The following SEC23A variants were observed in gnomAD, a reference collection of about 807,000 sequenced individuals.
The protein encoded by SEC23A is SEC23 homolog A, COPII component.
In SEC23A, 56 loss-of-function variants were observed where a neutral mutation model predicts 103.7. The observed-to-expected ratio is 0.54, with a 90% confidence interval of 0.44 to 0.67. The LOEUF (loss-of-function observed/expected upper bound fraction) is 0.67. Among genes scored for constraint, SEC23A ranks in the 30% least tolerant of loss-of-function variants. The pLI is 0.00. For synonymous variants in SEC23A, 281 were observed against 293.0 expected (o/e 0.96, Z 0.42); for missense variants, 784 against 936.4 (o/e 0.84, Z 2.12).
chr14:39,036,320 CAAAAAAAAAAAA>C (rs59018206), intron 19 of SEC23A, among the ~76,000 whole-genome samples: 19 of 69,902 alleles, frequency 2.7e-4, no homozygotes, highest in African/African-American at 7.9e-4. Context: ...GACTCCGTCT[CAAAAAAAAAAAA>C]AAAAAAAAAA....
At position 39,097,288 on chromosome 14, in the gene SEC23A, T is replaced by C. The variant is rs550317252; in HGVS notation, c.-21-1149A>G. ...CATGCTCTCAAACTGCAACAGTAGT[T>C]AGTCATGGAAGGAAGCTGAAGAATT... On this transcript the variant is annotated intron_variant, in intron 1 of 19. Transcript: ENST00000307712. Among the ~76,000 whole-genome samples, 6 of 152,272 alleles carry C rather than the reference T, an allele frequency of 3.9e-5. 1 individual carries two copies. In the South Asian group the frequency reaches 1.0e-3, roughly 26 times the overall value.
intron 11 of SEC23A, among the ~76,000 whole-genome samples, chr14:39,064,092 G>A (rs1252973155): frequency 6.6e-6 from 1 of 151,492 alleles, no homozygotes; most frequent in Non-Finnish European, 1.5e-5. Context: ...TGTATAAAGA[G>A]AAACTGATTT....
At chr14:39,048,982 CTAAG>C (rs1164529590) in intron 14 of SEC23A, among the ~76,000 whole-genome samples, 1 of 152,022 alleles carries the variant, frequency 6.6e-6, no homozygotes, top group African/African-American at 2.4e-5. Context: ...TATTTTTTAA[CTAAG>C]TGTCTCTCAC....
At chr14:39,086,440 G>T (rs2139277148) in intron 6 of SEC23A, among the ~76,000 whole-genome samples, 1 of 152,184 alleles carries the variant, frequency 6.6e-6, no homozygotes. Context: ...AGATTGGGAT[G>T]GTGAAACCCC....
intron 13 of SEC23A, among the ~76,000 whole-genome samples, chr14:39,059,150 T>A (rs1356057851): frequency 6.6e-6 from 1 of 151,948 alleles, no homozygotes; most frequent in Non-Finnish European, 1.5e-5. Context: ...AAACCAAAAT[T>A]CCTAGATCAA....
intron 7 of SEC23A, among the ~76,000 whole-genome samples, chr14:39,081,587 T>C (rs59919221): frequency 0.018 from 2,688 of 152,250 alleles, 93 homozygotes; most frequent in African/African-American, 0.062. Flanking sequence ...AGCTAGAAAC[T>C]CTGAAACTAT....
At chr14:39,042,473 T>C (rs565186528) in intron 17 of SEC23A, among the ~76,000 whole-genome samples, 8 of 152,324 alleles carry the variant, frequency 5.3e-5, no homozygotes, top group African/African-American at 1.7e-4. Flanking sequence ...AAGGCTGACT[T>C]TTCCCCCCTT....
At chr14:39,085,950 G>A (rs761654850) in intron 6 of SEC23A, 44 bp from the exon 7 acceptor site, 178 of 1,530,494 alleles carry the variant, frequency 1.2e-4, no homozygotes, top group Non-Finnish European at 1.5e-4. Context: ...AAATGTTTAT[G>A]GGTGAGAGTT....
chr14:39,076,793 G>A (rs1887043099), intron 7 of SEC23A, among the ~76,000 whole-genome samples: 2 of 151,862 alleles, frequency 1.3e-5, no homozygotes, highest in Admixed American at 1.3e-4. Context: ...CGGGCAGGGT[G>A]GCAGACGCCT....
intron 7 of SEC23A, 43 bp from the exon 8 acceptor site, chr14:39,076,136 T>C (rs1295161099): frequency 7.3e-7 from 1 of 1,376,180 alleles, no homozygotes; most frequent in South Asian, 1.3e-5. Context: ...AACATATGAA[T>C]ATACATTTCT....
chr14:39,081,976 A>G (rs1346031870), intron 7 of SEC23A, among the ~76,000 whole-genome samples: 2 of 152,090 alleles, frequency 1.3e-5, no homozygotes, highest in East Asian at 3.9e-4. Flanking sequence ...CTAAAAGGAA[A>G]CAGGGCTCCT....
chr14:39,071,151 G>T (rs1297048002), intron 9 of SEC23A, among the ~76,000 whole-genome samples: 1 of 152,186 alleles, frequency 6.6e-6, no homozygotes, highest in Non-Finnish European at 1.5e-5. Flanking sequence ...GCAAGGAAAA[G>T]AAAAAGCATG....
At chr14:39,041,069 G>T in intron 17 of SEC23A, 182 bp from the exon 18 acceptor site, 1 of 602,608 alleles carries the variant, frequency 1.7e-6, no homozygotes, top group Non-Finnish European at 2.6e-6. Flanking sequence ...TATAAAATTA[G>T]AATATTTCTT....
At chr14:39,073,423 G>A (rs1294971166) in intron 9 of SEC23A, among the ~76,000 whole-genome samples, 3 of 151,962 alleles carry the variant, frequency 2.0e-5, no homozygotes, top group Admixed American at 2.0e-4. Context: ...CTCCTGAGTA[G>A]CTGGGATTAC....
At chr14:39,072,715 G>C (rs146987135) in intron 9 of SEC23A, among the ~76,000 whole-genome samples, 232 of 152,294 alleles carry the variant, frequency 1.5e-3, no homozygotes, top group African/African-American at 5.3e-3. Flanking sequence ...TCAGGAGGCT[G>C]AGGTGAGAGG....
intron 11 of SEC23A, 167 bp downstream of exon 11, chr14:39,064,746 T>TG (rs1427764516): frequency 1.5e-6 from 1 of 647,750 alleles, no homozygotes; most frequent in Non-Finnish European, 2.8e-6. Context: ...TTTTCTTTTT[T>TG]GGGGGGATAA....
chr14:39,077,304 G>A (rs1431215121), intron 7 of SEC23A, among the ~76,000 whole-genome samples: 5 of 147,442 alleles, frequency 3.4e-5, no homozygotes, highest in Non-Finnish European at 3.0e-5. Flanking sequence ...AGCACTTTCA[G>A]AGGCCGAAGC....
In SEC23A at chr14:39,091,490, G is replaced by A; in HGVS notation, c.590C>T (p.Ala197Val). The A allele has an allele frequency of 6.2e-7, 1 of 1,612,958 alleles. No homozygotes were observed. Among genetic ancestry groups the A allele is most frequent in the Non-Finnish European group, 8.5e-7 (1 of 1,179,136 alleles). The change falls in exon 5 of 20, where the codon GCC becomes GTC. Residue 197 changes from alanine to valine, a missense_variant. Physicochemically the swap from Ala to Val is moderately conservative, Grantham distance 64. Transcript: ENST00000307712. ...CTTGTTGTTTACCTGCAGTTGTTTG[G>A]CAGACAAATCTTTTGTTCCTCTGAA... is the stretch of plus-strand genomic sequence containing the variant. Reference protein sequence around the residue: ...YVFRGTKDLSAKQLQEMLGLS... With the variant: ...YVFRGTKDLSVKQLQEMLGLS...
At chr14:39,086,372 C>T (rs1433251033) in intron 6 of SEC23A, among the ~76,000 whole-genome samples, 1 of 152,140 alleles carries the variant, frequency 6.6e-6, no homozygotes, top group Non-Finnish European at 1.5e-5. Flanking sequence ...GGCGCGGTGG[C>T]TCACACCTGT....
Sources: gnomAD v4.1 joint callset for allele counts (sites outside exome capture counted in the v4.1 genomes callset) on GRCh38, gnomAD v4.1.1 for gene constraint, MANE v1.5 for transcripts, NCBI Gene and HGNC (gene_info 2026-07-23, HGNC 2026-07-21) for gene names.